The following ZCCHC8 variants were observed in gnomAD, a reference collection of about 807,000 sequenced individuals.
ZCCHC8 encodes zinc finger CCHC-type containing 8.
ZCCHC8 carries 27 observed loss-of-function variants against 70.6 expected under a neutral mutation model. The ratio of observed to expected loss-of-function variants is 0.38; its 90% CI spans 0.28 to 0.53. The LOEUF is 0.53. Among genes scored for constraint, ZCCHC8 ranks in the 20% least tolerant of loss-of-function variants. The pLI is 0.81. For missense variants in ZCCHC8, 737 were observed against 876.9 expected (o/e 0.84, Z 2.01); for synonymous variants, 293 against 317.4 (o/e 0.92, Z 0.82).
At chr12:122,498,157 T>A (rs1957856847) in intron 2 of ZCCHC8, among the ~76,000 whole-genome samples, 1 of 87,916 alleles carries the variant, frequency 1.1e-5, no homozygotes. Flanking sequence ...AATACTGTAA[T>A]CTTTTTTTTT....
intron 10 of ZCCHC8, 143 bp from the exon 11 acceptor site, chr12:122,480,454 C>A: frequency 6.1e-5 from 38 of 621,854 alleles, no homozygotes; most frequent in Non-Finnish European, 7.8e-5. Context: ...TATAATTTTT[C>A]TAAATCATTA....
chr12:122,498,188 C>T (rs1228044955), intron 2 of ZCCHC8, among the ~76,000 whole-genome samples: 3 of 110,716 alleles, frequency 2.7e-5, no homozygotes, highest in Non-Finnish European at 3.4e-5. Flanking sequence ...GACGGAGTTT[C>T]GCTCTTGTCA....
At chr12:122,478,169 C>T in intron 12 of ZCCHC8, 37 bp downstream of exon 12, 1 of 1,495,348 alleles carries the variant, frequency 6.7e-7, no homozygotes, top group Non-Finnish European at 9.2e-7. Context: ...GCAGACACAA[C>T]AACATTTTAT....
chr12:122,499,402 G>C (rs1232871253), intron 1 of ZCCHC8: 1 of 154,546 alleles, frequency 6.5e-6, no homozygotes, highest in Non-Finnish European at 1.4e-5. Context: ...CTGAGTAGCT[G>C]GGATTACAAG....
At chr12:122,480,120 A>T in intron 11 of ZCCHC8, 70 bp downstream of exon 11, 1 of 1,401,876 alleles carries the variant, frequency 7.1e-7, no homozygotes, top group Non-Finnish European at 9.8e-7. Flanking sequence ...CCAACAAGTT[A>T]ATATTTTGAC....
chr12:122,476,828 G>T (rs1392452883), intron 13 of ZCCHC8, among the ~76,000 whole-genome samples: 1 of 151,980 alleles, frequency 6.6e-6, no homozygotes, highest in Non-Finnish European at 1.5e-5. Flanking sequence ...CTCAAGACCA[G>T]CCTGGCTAAC....
intron 2 of ZCCHC8, among the ~76,000 whole-genome samples, chr12:122,494,047 G>A (rs1187061162): frequency 6.6e-6 from 1 of 152,094 alleles, no homozygotes; most frequent in Non-Finnish European, 1.5e-5. Flanking sequence ...CTAAAGAAGA[G>A]ATATAAAAAA....
chr12:122,482,163 T>C, intron 8 of ZCCHC8, 76 bp from the exon 9 acceptor site: 1 of 1,441,930 alleles, frequency 6.9e-7, no homozygotes, highest in Non-Finnish European at 9.2e-7. Flanking sequence ...AAAATACTTT[T>C]TTTTAGATCA....
Position 122,472,265 on chromosome 12 carries a change from T to C in ZCCHC8, c.*1232A>G, listed in dbSNP as rs1957331460. 1 of 149,470 alleles carries C rather than the reference T, an allele frequency of 6.7e-6. No homozygotes were observed. Among genetic ancestry groups the C allele is most frequent in the Non-Finnish European group, 1.5e-5 (1 of 67,598 alleles). The allele number at this position is 149,470 out of a possible 1,614,324, so 9.3% of individuals were successfully genotyped here. ...TCTTGTTGCCCAGGCTGGAGTGCAA[T>C]GGCGCGACCTCGGCTCACTGCAACC... On this transcript the variant is annotated 3_prime_UTR_variant, in exon 14 of 14. Transcript: ENST00000633063.
intron 11 of ZCCHC8, chr12:122,478,576 G>C (rs533093994): frequency 3.3e-6 from 1 of 299,642 alleles, no homozygotes; most frequent in African/African-American, 2.2e-5. Context: ...TGACTGCTAT[G>C]GGGCCTCCCA....
Position 122,492,738 on chromosome 12 carries a change from T to C in ZCCHC8, c.294A>G (p.Leu98=). The C allele has an allele frequency of 6.5e-7, 1 of 1,547,132 alleles. No homozygotes were observed. The highest frequency in any genetic ancestry group is 1.2e-5 in the South Asian group (1 of 83,388). Residue 98 remains leucine (L), a synonymous_variant, in exon 3 of 14, where the codon CTA becomes CTG. Coordinates refer to ENST00000633063, the MANE Select transcript of ZCCHC8 (RefSeq NM_017612.5). ...ACTTTGAAATAGCATTGTTCATGAA[T>C]AGAATCTGTAATATAGGTCCATCTA... is the stretch of plus-strand genomic sequence containing the variant. ...TKLDGPILQI[L]FMNNAISKQY...
At chr12:122,488,517 T>C (rs979288255) in intron 5 of ZCCHC8, among the ~76,000 whole-genome samples, 2 of 151,196 alleles carry the variant, frequency 1.3e-5, no homozygotes, top group African/African-American at 4.9e-5. Context: ...TAATACTACA[T>C]AAACATGAAA....
Position 122,500,711 on chromosome 12 carries a change from C to G in ZCCHC8, c.130G>C (p.Val44Leu). The G allele has an allele frequency of 6.3e-7, 1 of 1,583,598 alleles. No individual in the cohort carries two copies. Among genetic ancestry groups the G allele is most frequent in the Non-Finnish European group, 8.6e-7 (1 of 1,165,414 alleles). ...CGCTCCCGTAGCTCCGCGTCGCCGA[C>G]CCCATTTTCGTCCTCCTCGTCGCCG... Reference protein sequence around the residue: ...DDGDEEDENGVGDAELRERLR... With the variant: ...DDGDEEDENGLGDAELRERLR... The change falls in exon 1 of 14, where the codon GTC becomes CTC. Residue 44 changes from valine to leucine, a missense_variant. Transcript: ENST00000633063. This position sits in a 1 kb window ranked among gnomAD's most constrained non-coding sequence, Gnocchi z 4.8.
intron 5 of ZCCHC8, among the ~76,000 whole-genome samples, chr12:122,485,923 A>G (rs1294293510): frequency 6.6e-6 from 1 of 152,052 alleles, no homozygotes; most frequent in Non-Finnish European, 1.5e-5. Context: ...TCTGCGTCCA[A>G]TTCATCAACA....
At chr12:122,482,201 T>C in intron 8 of ZCCHC8, 114 bp from the exon 9 acceptor site, 1 of 1,170,408 alleles carries the variant, frequency 8.5e-7, no homozygotes, top group Non-Finnish European at 1.1e-6. Context: ...AGTTTTAATG[T>C]ATAACGAACA....
chr12:122,476,593 C>CAA (rs58599674), intron 13 of ZCCHC8, among the ~76,000 whole-genome samples: 267 of 129,636 alleles, frequency 2.1e-3, no homozygotes, highest in African/African-American at 6.7e-3. Flanking sequence ...GATCCTGTCT[C>CAA]AAAAAAAAAA....
intron 2 of ZCCHC8, 100 bp downstream of exon 2, chr12:122,498,726 AC>A (rs1256633514): frequency 4.5e-6 from 5 of 1,123,356 alleles, no homozygotes; most frequent in Non-Finnish European, 6.6e-6. Flanking sequence ...TAAAAATGAT[AC>A]AAAAATCCCA....
intron 5 of ZCCHC8, among the ~76,000 whole-genome samples, chr12:122,485,118 T>C (rs1015986145): frequency 1.3e-5 from 2 of 152,218 alleles, no homozygotes; most frequent in Non-Finnish European, 2.9e-5. Flanking sequence ...TTATTATTAT[T>C]ATTTTTTGAG....
rs768108888 is a variant in ZCCHC8 at position 122,500,390 on chromosome 12, G to A, written c.199+252C>T. 11 of 529,158 alleles carry A rather than the reference G, an allele frequency of 2.1e-5. No individual in the cohort carries two copies. Among genetic ancestry groups the A allele is most frequent in the Non-Finnish European group, 1.7e-5 (5 of 298,434 alleles). The allele number at this position is 529,158 out of a possible 1,614,324, so 32.8% of individuals were successfully genotyped here. A position where few individuals can be genotyped will look rare whatever the true frequency, so the allele number is the denominator to read the frequency against. ...TAAAATAACCCTAAACACGGCACCC[G>A]GGTGGGAGGCAGGAGTGGGTCTGGT... On this transcript the variant is annotated intron_variant, in intron 1 of 13. Coordinates refer to ENST00000633063, the MANE Select transcript of ZCCHC8 (RefSeq NM_017612.5). The surrounding 1 kb of genome is among the most constrained non-coding windows in gnomAD (Gnocchi z 4.8).
Sources: allele counts gnomAD v4.1 joint callset (sites outside exome capture counted in the v4.1 genomes callset), GRCh38; gene constraint gnomAD v4.1.1; non-coding constraint Gnocchi (gnomAD v3.1); transcripts MANE v1.5; gene names NCBI Gene and HGNC (gene_info 2026-07-23, HGNC 2026-07-21).